TRAF2: variants seen among roughly 807,000 people sequenced by gnomAD.
The protein encoded by TRAF2 is TNF receptor-associated factor 2.
TRAF2 carries 6 observed loss-of-function variants against 55.6 expected under a neutral mutation model. The observed-to-expected ratio is 0.11, with a 90% CI of 0.06 to 0.21. The LOEUF is 0.21. Among genes scored for constraint, TRAF2 ranks in the 10% least tolerant of loss-of-function variants. The pLI is 1.00. For synonymous variants in TRAF2, 329 were observed against 276.3 expected, an observed-to-expected ratio of 1.19 and a Z score of -1.89; for missense variants, 561 against 684.5, an observed-to-expected ratio of 0.82 and a Z score of 2.01.
At chr9:136,904,365 C>T (rs10735659) in intron 4 of TRAF2, among the ~76,000 whole-genome samples, 116,142 of 152,096 alleles carry the variant, frequency 0.76, 44,593 homozygotes, top group East Asian at 0.87. Flanking sequence ...CCACTGTGCC[C>T]GGCCATTTTA....
Position 136,920,224 on chromosome 9 carries a change from G to A in TRAF2, c.679-10G>A. 6.2e-7 allele frequency: 1 copy of A among 1,600,394 alleles called. No individual in the cohort carries two copies. The highest frequency in any genetic ancestry group is 1.1e-5 in the South Asian group (1 of 90,578). ...ATGGAGCCAGCAGCCTCCCTGCCCTGTGTCCGCAGGTAGAGGGTGAGAAAC... is the reference window on the plus strand; with the variant it reads ...ATGGAGCCAGCAGCCTCCCTGCCCTATGTCCGCAGGTAGAGGGTGAGAAAC... On this transcript the variant is annotated splice_polypyrimidine_tract_variant and intron_variant, in intron 7 of 10. Transcript: ENST00000247668.
chr9:136,890,070 C>CAT (rs1849547256), intron 1 of TRAF2, among the ~76,000 whole-genome samples: 1 of 126,040 alleles, frequency 7.9e-6, no homozygotes, highest in Admixed American at 8.8e-5. Flanking sequence ...CCGGTCACCG[C>CAT]GTGTGTGAGT....
intron 1 of TRAF2, among the ~76,000 whole-genome samples, chr9:136,892,310 A>G (rs1849596723): frequency 6.6e-6 from 1 of 151,900 alleles, no homozygotes; most frequent in Non-Finnish European, 1.5e-5. Context: ...AAAAAATACA[A>G]AAAATTAGCT....
chr9:136,906,544 C>G (rs1275526121), intron 4 of TRAF2, among the ~76,000 whole-genome samples: 4 of 152,144 alleles, frequency 2.6e-5, no homozygotes, highest in Non-Finnish European at 5.9e-5. Context: ...CACCAGGCCC[C>G]TCCCACAACA....
At chr9:136,905,862 T>TGG (rs1376461086) in intron 4 of TRAF2, among the ~76,000 whole-genome samples, 1 of 152,150 alleles carries the variant, frequency 6.6e-6, no homozygotes, top group Non-Finnish European at 1.5e-5. Flanking sequence ...CCCAGCACTT[T>TGG]GGGAGGCCAA....
chr9:136,904,567 G>A (rs1232996467), intron 4 of TRAF2, among the ~76,000 whole-genome samples: 1 of 151,778 alleles, frequency 6.6e-6, no homozygotes, highest in Admixed American at 6.6e-5. Flanking sequence ...CACCACTCTC[G>A]GCTAATTTTT....
intron 3 of TRAF2, among the ~76,000 whole-genome samples, chr9:136,900,180 AAAG>A (rs1350337157): frequency 7.9e-6 from 1 of 125,824 alleles, no homozygotes; most frequent in African/African-American, 3.7e-5. Context: ...AAAAAAAAAA[AAAG>A]AATAAAGGGC....
chr9:136,897,957 C>T (rs1219705544), intron 1 of TRAF2, among the ~76,000 whole-genome samples: 12 of 134,052 alleles, frequency 9.0e-5, no homozygotes, highest in Admixed American at 6.6e-4. Flanking sequence ...TTCCCGCTCT[C>T]GGGGCTGGAG....
intron 6 of TRAF2, 64 bp from the exon 7 acceptor site, chr9:136,916,477 A>C (rs1850244578): frequency 2.6e-6 from 4 of 1,530,574 alleles, no homozygotes; most frequent in Non-Finnish European, 3.6e-6. Flanking sequence ...AGTGTGGTCC[A>C]TGTGGAAGTG....
In TRAF2 at chr9:136,914,886, T is replaced by TA. The variant is rs915160013; in HGVS notation, c.604-1644dup. Among the ~76,000 whole-genome samples, 298 of 144,186 alleles carry TA rather than the reference T, an allele frequency of 2.1e-3. 2 individuals are homozygous for TA. Among genetic ancestry groups the TA allele is most frequent in the East Asian group, 6.3e-3 (31 of 4,920 alleles). The allele number at this position is 144,186 out of a possible 152,430, so 94.6% of individuals were successfully genotyped here. On this transcript the variant is annotated intron_variant, in intron 6 of 10. Transcript: ENST00000247668. ...CTTTTGAGTTTTAAAGATTGCCCTT[T>TA]AAAAAAAAAAAGGCCGGGTGCGGTG...
intron 4 of TRAF2, among the ~76,000 whole-genome samples, chr9:136,902,634 T>C (rs984715054): frequency 6.6e-6 from 1 of 152,162 alleles, no homozygotes. Flanking sequence ...TTTGGTCATG[T>C]GGGAGGGGCG....
At chr9:136,904,109 T>TACTTTCAGCCC (rs1187753973) in intron 4 of TRAF2, among the ~76,000 whole-genome samples, 1 of 152,218 alleles carries the variant, frequency 6.6e-6, no homozygotes, top group Non-Finnish European at 1.5e-5. Context: ...TTCGCCAGCC[T>TACTTTCAGCCC]ACTTTCAGCC....
At chr9:136,906,250 G>A (rs1245419014) in intron 4 of TRAF2, among the ~76,000 whole-genome samples, 1 of 152,172 alleles carries the variant, frequency 6.6e-6, no homozygotes, top group African/African-American at 2.4e-5. Context: ...CTGCACTCCA[G>A]CCTAGGTAAC....
At chr9:136,900,622 T>C (rs1849798143) in intron 4 of TRAF2, 102 bp downstream of exon 4, 1 of 919,834 alleles carries the variant, frequency 1.1e-6, no homozygotes, top group Non-Finnish European at 1.8e-6. Context: ...TTCCTCTCAC[T>C]GGGGCTGAAG....
intron 1 of TRAF2, among the ~76,000 whole-genome samples, chr9:136,897,607 G>A (rs1426456025): frequency 1.4e-4 from 20 of 146,792 alleles, no homozygotes; most frequent in Admixed American, 1.0e-3. Flanking sequence ...AGGGGAACCC[G>A]TGGTAGCTAA....
chr9:136,909,878 C>T (rs1564414710), intron 5 of TRAF2, 42 bp from the exon 6 acceptor site: 5 of 1,607,670 alleles, frequency 3.1e-6, no homozygotes, highest in Non-Finnish European at 1.7e-6. Context: ...CCGCGCCTGG[C>T]ATTGGCGTCC....
intron 3 of TRAF2, among the ~76,000 whole-genome samples, 191 bp from the exon 4 acceptor site, chr9:136,900,231 G>C (rs1302570765): frequency 1.3e-5 from 2 of 151,776 alleles, no homozygotes; most frequent in African/African-American, 4.8e-5. Flanking sequence ...CTGAAGTTTA[G>C]GGTTTGGAAA....
intron 4 of TRAF2, among the ~76,000 whole-genome samples, chr9:136,902,681 T>G (rs1849849000): frequency 6.6e-6 from 1 of 152,158 alleles, no homozygotes. Flanking sequence ...TGGCCTTTGA[T>G]TTTGTTGATA....
At chr9:136,897,053 A>T (rs1158771203) in intron 1 of TRAF2, among the ~76,000 whole-genome samples, 2 of 152,194 alleles carry the variant, frequency 1.3e-5, no homozygotes, top group Non-Finnish European at 2.9e-5. Flanking sequence ...AACCCTGACC[A>T]GGCCCCTTCC....
Sources: gnomAD v4.1 joint callset for allele counts (sites outside exome capture counted in the v4.1 genomes callset) on GRCh38, gnomAD v4.1.1 for gene constraint, MANE v1.5 for transcripts, NCBI Gene and HGNC (gene_info 2026-07-23, HGNC 2026-07-21) for gene names.